The following SENP5 variants were observed in gnomAD, a reference collection of about 807,000 sequenced individuals.
SENP5 encodes the protein SUMO specific peptidase 5, also known as sentrin-specific protease 5.
A neutral mutation model predicts 74.2 loss-of-function variants in SENP5; 21 were observed. The ratio of observed to expected loss-of-function variants is 0.28; its 90% CI spans 0.20 to 0.41. The LOEUF (loss-of-function observed/expected upper bound fraction) is 0.41. Among genes scored for constraint, SENP5 ranks in the 10% least tolerant of loss-of-function variants. SENP5 has a pLI of 1.00. For synonymous variants in SENP5, 311 were observed against 312.7 expected (o/e 0.99, Z 0.06); for missense variants, 717 against 889.1 (o/e 0.81, Z 2.46).
At chr3:196,883,835 C>G (rs1461053417) in intron 1 of SENP5, among the ~76,000 whole-genome samples, 1 of 152,126 alleles carries the variant, frequency 6.6e-6, no homozygotes, top group African/African-American at 2.4e-5. Flanking sequence ...ATTACAGGCA[C>G]TCATCATCAT....
At chr3:196,927,666 C>A in intron 7 of SENP5, 130 bp from the exon 8 acceptor site, 6 of 491,282 alleles carry the variant, frequency 1.2e-5, no homozygotes, top group East Asian at 3.3e-5. Context: ...ATTGTTCCAG[C>A]TTCTTAATGC....
intron 7 of SENP5, among the ~76,000 whole-genome samples, chr3:196,925,661 A>G (rs1366492263): frequency 6.6e-6 from 1 of 152,196 alleles, no homozygotes; most frequent in African/African-American, 2.4e-5. Flanking sequence ...CATGGAGTGA[A>G]TGATGGTTAA....
rs189485427 is a variant in SENP5, at chr3:196,890,735, A to G, written c.1513+4041A>G. Among the ~76,000 whole-genome samples, 11 of 152,318 alleles carry G rather than the reference A, an allele frequency of 7.2e-5. 1 individual carries two copies. In the East Asian group the frequency reaches 1.9e-3, roughly 27 times the overall value. On this transcript the variant is annotated intron_variant, in intron 2 of 9. Transcript: ENST00000323460. ...AGATAATGGAAGGGAAACTGAAGAA[A>G]TTAGGAATGTTTTCTAGAACTGAAA...
chr3:196,891,129 C>T (rs1179874500), intron 2 of SENP5, among the ~76,000 whole-genome samples: 3 of 152,120 alleles, frequency 2.0e-5, no homozygotes, highest in Non-Finnish European at 4.4e-5. Flanking sequence ...AAGGAATAAA[C>T]ACCGATATAT....
chr3:196,875,149 C>T (rs189027540), intron 1 of SENP5, among the ~76,000 whole-genome samples: 146 of 152,288 alleles, frequency 9.6e-4, no homozygotes, highest in African/African-American at 2.3e-3. Flanking sequence ...AATCGATCTC[C>T]GTCTGTGTTT....
chr3:196,913,894 C>T (rs1560156453), intron 6 of SENP5: 3 of 152,150 alleles, frequency 2.0e-5, no homozygotes, highest in Admixed American at 6.6e-5. Flanking sequence ...AGTGATCTGC[C>T]TGCCTCAGCC....
chr3:196,873,294 A>G (rs1713298251), intron 1 of SENP5, among the ~76,000 whole-genome samples: 1 of 151,544 alleles, frequency 6.6e-6, no homozygotes, highest in African/African-American at 2.4e-5. Flanking sequence ...GCTGGTCTTG[A>G]ACTCCTGACC....
intron 6 of SENP5, chr3:196,914,572 A>AAAAAT (rs1363407329): frequency 2.6e-5 from 2 of 77,210 alleles, no homozygotes; most frequent in African/African-American, 1.2e-4. Context: ...TTTAAAAAAA[A>AAAAAT]AAAAAAAAAA....
chr3:196,900,193 C>A, intron 4 of SENP5, 131 bp downstream of exon 4: 2 of 1,282,652 alleles, frequency 1.6e-6, no homozygotes, highest in Non-Finnish European at 2.1e-6. Flanking sequence ...TTACTTGCCC[C>A]AGGATCCAAA....
rs533968443 is a variant in SENP5, at chr3:196,934,050, C to G, written c.*3127C>G. On this transcript the variant is annotated 3_prime_UTR_variant, in exon 10 of 10. Coordinates refer to ENST00000323460, the MANE Select transcript of SENP5 (RefSeq NM_152699.5). ...ACAGTGGTCTTTCCTTTTATTAAATCTATAGCAGTGAATATAGATTTGATT... is the reference window on the plus strand; with the variant it reads ...ACAGTGGTCTTTCCTTTTATTAAATGTATAGCAGTGAATATAGATTTGATT... The G allele has an allele frequency of 6.6e-6, 1 of 152,256 alleles. No individual in the cohort carries two copies. Among genetic ancestry groups the G allele is most frequent in the South Asian group, 2.1e-4 (1 of 4,824 alleles). The allele number at this position is 152,256 out of a possible 1,614,324, so 9.4% of individuals were successfully genotyped here.
chr3:196,907,397 A>C (rs1459368340), intron 6 of SENP5, among the ~76,000 whole-genome samples: 1 of 150,546 alleles, frequency 6.6e-6, no homozygotes, highest in East Asian at 1.9e-4. Context: ...CGGAGCTTGC[A>C]GTGAGCCAAG....
At chr3:196,882,335 AC>A (rs1228928438) in intron 1 of SENP5, among the ~76,000 whole-genome samples, 3 of 152,118 alleles carry the variant, frequency 2.0e-5, no homozygotes, top group Non-Finnish European at 2.9e-5. Context: ...ATCTCCAGGA[AC>A]CTTTTTATCT....
At chr3:196,914,564 TAAAAAAAAAAAAA>T (rs34724979) in intron 6 of SENP5, 2 of 26,336 alleles carry the variant, frequency 7.6e-5, no homozygotes, top group African/African-American at 2.9e-4. Context: ...AGGTTTGCTT[TAAAAAAAAAAAAA>T]AAAAAAAAAA....
In SENP5 at chr3:196,900,105, A is replaced by G. The variant is rs1227098641; in HGVS notation, c.1758+43A>G. On this transcript the variant is annotated intron_variant, in intron 4 of 9. Coordinates refer to ENST00000323460, the MANE Select transcript of SENP5 (RefSeq NM_152699.5). ...TTTCAGTGTGGAGAAGTTGCAGAGG[A>G]TGTTAGTCAATAAAATATAATCTCT... The G allele has an allele frequency of 3.2e-6, 5 of 1,580,226 alleles. No homozygotes were observed. The East Asian group carries it at 6.7e-5, about 21-fold the overall frequency.
At chr3:196,900,555 C>T in intron 5 of SENP5, 143 bp downstream of exon 5, 2 of 595,750 alleles carry the variant, frequency 3.4e-6, no homozygotes, top group Non-Finnish European at 2.8e-6. Flanking sequence ...TGATCATGTA[C>T]TGGGCTTGAT....
chr3:196,924,383 A>G (rs1234737514), intron 7 of SENP5, among the ~76,000 whole-genome samples: 1 of 152,224 alleles, frequency 6.6e-6, no homozygotes, highest in Non-Finnish European at 1.5e-5. Context: ...AACTCCTACA[A>G]ATGAATAAGG....
intron 6 of SENP5, among the ~76,000 whole-genome samples, chr3:196,920,998 T>G (rs548607851): frequency 1.7e-4 from 26 of 152,328 alleles, no homozygotes; most frequent in African/African-American, 5.8e-4. Context: ...GGGCAACAAA[T>G]AATTGGGGTC....
chr3:196,881,719 G>C (rs1322171722), intron 1 of SENP5, among the ~76,000 whole-genome samples: 1 of 149,982 alleles, frequency 6.7e-6, no homozygotes, highest in Non-Finnish European at 1.5e-5. Context: ...TTTTCATTTT[G>C]TTCATTTATT....
Position 196,931,868 on chromosome 3 carries a change from G to A in SENP5, c.*945G>A, listed in dbSNP as rs1194862766. On this transcript the variant is annotated 3_prime_UTR_variant, in exon 10 of 10. Transcript: ENST00000323460. Reference sequence around the variant, plus strand: ...TTTCTATTTCAAGGGTATCTGAAACGTAAACATTCAAAACTGAAGGCTGAC... The same window carrying A: ...TTTCTATTTCAAGGGTATCTGAAACATAAACATTCAAAACTGAAGGCTGAC... 9.0e-6 allele frequency: 4 copies of A among 446,500 alleles called. No individual in the cohort carries two copies. Among genetic ancestry groups the A allele is most frequent in the Middle Eastern group, 3.3e-4 (1 of 3,066 alleles). 27.7% of individuals were successfully genotyped at this position (446,500 alleles called of 1,614,324 possible). A position where few individuals can be genotyped will look rare whatever the true frequency, so the allele number is the denominator to read the frequency against.
Sources: gnomAD v4.1 joint callset for allele counts (sites outside exome capture counted in the v4.1 genomes callset) on GRCh38, gnomAD v4.1.1 for gene constraint, MANE v1.5 for transcripts, NCBI Gene and HGNC (gene_info 2026-07-23, HGNC 2026-07-21) for gene names.